Variants in LAT2 observed in about 807,000 individuals in gnomAD.
LAT2 encodes the protein linker for activation of T-cells family member 2.
A neutral mutation model predicts 43.4 loss-of-function variants in LAT2; 23 were observed. The ratio of observed to expected loss-of-function variants is 0.53; its 90% CI spans 0.38 to 0.75. The LOEUF (loss-of-function observed/expected upper bound fraction) is 0.75, where lower values mean the gene tolerates loss of function less well. LAT2 is among the 30% of genes least tolerant of loss of function. LAT2 has a pLI of 0.00. For synonymous variants in LAT2, 128 were observed against 123.2 expected (o/e 1.04, Z -0.26); for missense variants, 284 against 310.2 (o/e 0.92, Z 0.64).
chr7:74,224,173 T>C lies in LAT2; in HGVS notation c.604T>C (p.Trp202Arg), dbSNP rs782693609. The C allele has an allele frequency of 6.2e-6, 10 of 1,613,838 alleles. No individual in the cohort carries two copies. In the South Asian group the frequency reaches 9.9e-5, roughly 16 times the overall value. The change falls in exon 12 of 14, where the codon TGG (tryptophan) becomes CGG (arginine). Residue 202 changes from tryptophan (W) to arginine (R), a missense_variant. Physicochemically the swap from Trp to Arg is moderately radical, Grantham distance 101. Coordinates refer to ENST00000460943, the MANE Select transcript of LAT2 (RefSeq NM_032464.3). ...DYQNSASIHQ[W>R]RESRKVMGQL... The stretch of plus-strand genomic sequence containing the variant: ...TCAGAACTCAGCATCCATCCATCAG[T>C]GGCGCGAGTCCAGGAAGGTCATGGG...
intron 10 of LAT2, among the ~76,000 whole-genome samples, chr7:74,223,065 G>A (rs563094630): frequency 2.0e-5 from 3 of 152,302 alleles, no homozygotes; most frequent in East Asian, 1.9e-4. Context: ...GCCCCTTCCC[G>A]GCAGTGGCTC....
At chr7:74,219,420 T>C (rs576594460) in intron 4 of LAT2, among the ~76,000 whole-genome samples, 39 of 152,166 alleles carry the variant, frequency 2.6e-4, no homozygotes, top group Non-Finnish European at 5.0e-4. Context: ...AGACCCCTCC[T>C]GACCCGTCTC....
intron 1 of LAT2, among the ~76,000 whole-genome samples, chr7:74,213,159 G>C (rs1801787802): frequency 6.6e-6 from 1 of 152,054 alleles, no homozygotes; most frequent in Admixed American, 6.6e-5. Context: ...TTGTTGCCCA[G>C]GCTGGATGGA....
At chr7:74,216,098 G>A (rs782786482) in intron 3 of LAT2, 29 bp downstream of exon 3, 1 of 1,579,798 alleles carries the variant, frequency 6.3e-7, no homozygotes, top group South Asian at 1.1e-5. Flanking sequence ...GACGTGATGG[G>A]GAGAAGGTGT....
chr7:74,220,745 T>C lies in LAT2; in HGVS notation c.332+11T>C. ...GGAGGAAGCCTACATGTGAGTGACC[T>C]TGATCCTGTCCCCCCTGCCTCGCCT... On this transcript the variant is annotated intron_variant, in intron 9 of 13. Coordinates refer to ENST00000460943, the MANE Select transcript of LAT2 (RefSeq NM_032464.3). This position sits in a 1 kb window ranked among gnomAD's most constrained non-coding sequence, Gnocchi z 4.5. 1 of 1,568,522 alleles carries C rather than the reference T, an allele frequency of 6.4e-7. No homozygotes were observed. The highest frequency in any genetic ancestry group is 8.7e-7 in the Non-Finnish European group (1 of 1,150,304).
At chr7:74,219,871 G>A (rs187980597) in intron 5 of LAT2, 84 bp downstream of exon 5, 199 of 1,611,586 alleles carry the variant, frequency 1.2e-4, no homozygotes, top group East Asian at 1.6e-4. Context: ...ACCTGAGACC[G>A]TGGCCAGGCC....
In LAT2 at chr7:74,214,045, T is replaced by TATATATATATATGAAAAAATATATATAA. The variant is rs1554713582; in HGVS notation, c.-218-738_-218-711dup. ...CTCACTGCAGCCATATATATGTATATATATATATATATGAAAAAATATATA... is the reference window on the plus strand; with the variant it reads ...CTCACTGCAGCCATATATATGTATATATATATATATATGAAAAAATATATATAAATATATATATATGAAAAAATATATA... On this transcript the variant is annotated intron_variant, in intron 1 of 13. Coordinates refer to ENST00000460943, the MANE Select transcript of LAT2 (RefSeq NM_032464.3). Among the ~76,000 whole-genome samples the TATATATATATATGAAAAAATATATATAA allele has an allele frequency of 1.4e-4, 19 of 132,424 alleles. 1 individual carries two copies. The highest frequency in any genetic ancestry group is 6.1e-4 in the East Asian group (3 of 4,890). 86.9% of individuals were successfully genotyped at this position (132,424 alleles called of 152,430 possible). A position where few individuals can be genotyped will look rare whatever the true frequency, so the allele number is the denominator to read the frequency against.
In LAT2 at chr7:74,229,575, A is replaced by T. The variant is rs1802614408; in HGVS notation, c.*650A>T. 6.5e-6 allele frequency: 1 copy of T among 152,682 alleles called. No homozygotes were observed. 9.5% of individuals were successfully genotyped at this position (152,682 alleles called of 1,614,324 possible). ...GCTGTCGCCATCTTTATGTGCTTCC[A>T]GTGGAAATGTCACTTGCTACAGACA... On this transcript the variant is annotated 3_prime_UTR_variant, in exon 14 of 14. Transcript: ENST00000460943.
chr7:74,216,798 T>C (rs1276594309), intron 3 of LAT2, 27 bp from the exon 4 acceptor site: 2 of 1,612,378 alleles, frequency 1.2e-6, no homozygotes, highest in Admixed American at 1.7e-5. Flanking sequence ...TCCCAGACCC[T>C]TTGCTAATCC....
intron 1 of LAT2, among the ~76,000 whole-genome samples, chr7:74,213,323 A>T (rs751604411): frequency 4.4e-4 from 66 of 150,718 alleles, no homozygotes; most frequent in Non-Finnish European, 8.1e-4. Flanking sequence ...GGGTTTCACC[A>T]TCTTGGCCAG....
chr7:74,223,955 T>C, intron 11 of LAT2, 63 bp from the exon 12 acceptor site: 1 of 1,549,444 alleles, frequency 6.5e-7, no homozygotes, highest in Non-Finnish European at 8.8e-7. Flanking sequence ...CGGAGGCAGC[T>C]CTATTGGCTC....
intron 13 of LAT2, among the ~76,000 whole-genome samples, chr7:74,227,203 G>A (rs1584231439): frequency 2.0e-5 from 3 of 151,576 alleles, no homozygotes; most frequent in African/African-American, 4.8e-5. Context: ...CACCACACCC[G>A]GCCAATTTGT....
In LAT2 at chr7:74,219,888, G is replaced by T. The variant is rs375205663; in HGVS notation, c.179-72G>T. On this transcript the variant is annotated intron_variant, in intron 5 of 13. Coordinates refer to ENST00000460943, the MANE Select transcript of LAT2 (RefSeq NM_032464.3). ...CTGAGACCGTGGCCAGGCCTGATGT[G>T]GGGGGATGATGGGGTGAGGGGGCTG... 34 of 1,611,498 alleles carry T rather than the reference G, an allele frequency of 2.1e-5. No individual in the cohort carries two copies. In the East Asian group the frequency reaches 7.1e-4, roughly 34 times the overall value.
chr7:74,221,410 CAA>C (rs782694803), intron 9 of LAT2, among the ~76,000 whole-genome samples: 7 of 21,082 alleles, frequency 3.3e-4, no homozygotes, highest in Non-Finnish European at 6.8e-4. Flanking sequence ...GACTCTGTCT[CAA>C]AAAAAAAAAA....
chr7:74,228,567 C>T (rs1191854312), intron 13 of LAT2, among the ~76,000 whole-genome samples: 8 of 148,516 alleles, frequency 5.4e-5, no homozygotes, highest in African/African-American at 1.5e-4. Flanking sequence ...GGGCGGATCA[C>T]GAGGTCAGGA....
chr7:74,219,893 G>T (rs1802198866), intron 5 of LAT2, 67 bp from the exon 6 acceptor site: 4 of 1,611,560 alleles, frequency 2.5e-6, no homozygotes, highest in African/African-American at 1.3e-5. Flanking sequence ...GATGTGGGGG[G>T]ATGATGGGGT....
intron 1 of LAT2, among the ~76,000 whole-genome samples, chr7:74,212,946 C>T (rs1801779655): frequency 6.6e-6 from 1 of 152,082 alleles, no homozygotes; most frequent in Non-Finnish European, 1.5e-5. Flanking sequence ...TACAGAGGCT[C>T]AGGGCCGCAT....
intron 3 of LAT2, 138 bp from the exon 4 acceptor site, chr7:74,216,687 C>T (rs1193539795): frequency 1.4e-5 from 9 of 638,446 alleles, no homozygotes; most frequent in Non-Finnish European, 2.5e-5. Flanking sequence ...TCTTTAATAT[C>T]AGGTGGCCGG....
chr7:74,227,505 C>G (rs1209867615), intron 13 of LAT2, among the ~76,000 whole-genome samples: 4 of 152,146 alleles, frequency 2.6e-5, no homozygotes, highest in African/African-American at 9.7e-5. Flanking sequence ...CAGGCATGAG[C>G]TACCATGCCT....
Sources: gnomAD v4.1 joint callset for allele counts (sites outside exome capture counted in the v4.1 genomes callset) on GRCh38, gnomAD v4.1.1 for gene constraint, Gnocchi (gnomAD v3.1) non-coding constraint, MANE v1.5 for transcripts, NCBI Gene and HGNC (gene_info 2026-07-23, HGNC 2026-07-21) for gene names.